ADIRF: variants seen among roughly 807,000 people sequenced by gnomAD.
The protein encoded by ADIRF is adipogenesis factor rich in obesity.
In ADIRF, 9 loss-of-function variants were observed where a neutral mutation model predicts 7.8. The ratio of observed to expected loss-of-function variants is 1.15; its 90% confidence interval spans 0.70 to 2.01. The LOEUF (loss-of-function observed/expected upper bound fraction) is 2.01, where lower values mean the gene tolerates loss of function less well. ADIRF is among the 30% of genes most tolerant of loss of function. ADIRF has a pLI of 0.00. For synonymous variants in ADIRF, 48 were observed against 39.9 expected, an observed-to-expected ratio of 1.20 and a Z score of -0.77; for missense variants, 106 against 98.1, an observed-to-expected ratio of 1.08 and a Z score of -0.34.
intron 1 of ADIRF, chr10:86,969,900 G>GATCT: frequency 3.9e-6 from 1 of 255,436 alleles, no homozygotes; most frequent in Non-Finnish European, 7.4e-6. Flanking sequence ...GCCTGGCCCT[G>GATCT]CCCTGCCTTC....
At chr10:86,970,302 C>A in intron 2 of ADIRF, 40 bp downstream of exon 2, 1 of 1,495,054 alleles carries the variant, frequency 6.7e-7, no homozygotes, top group African/African-American at 1.4e-5. Context: ...CCCCAGCACA[C>A]CTCCCACTCC....
chr10:86,970,364 C>G (rs976345382), intron 2 of ADIRF, 102 bp downstream of exon 2: 4 of 1,506,414 alleles, frequency 2.7e-6, no homozygotes, highest in Middle Eastern at 3.4e-4. Context: ...GCAGAGCCCT[C>G]TGTCCACAAT....
Position 86,970,189 on chromosome 10 carries a change from C to G in ADIRF, c.62-11C>G, listed in dbSNP as rs370680542. The G allele has an allele frequency of 1.5e-5, 21 of 1,446,072 alleles. No homozygotes were observed. Among genetic ancestry groups the G allele is most frequent in the East Asian group, 1.0e-4 (4 of 39,966 alleles). The allele number at this position is 1,446,072 out of a possible 1,614,324, so 89.6% of individuals were successfully genotyped here. A position where few individuals can be genotyped will look rare whatever the true frequency, so the allele number is the denominator to read the frequency against. On this transcript the variant is annotated splice_polypyrimidine_tract_variant and intron_variant, in intron 1 of 2. Coordinates refer to ENST00000372013, the MANE Select transcript of ADIRF (RefSeq NM_006829.3). ...TCAACAGGGGCTAAAAGCCACATCT[C>G]TCTGTTCCAGTGTCAGCGGCCGGAG... is the stretch of plus-strand genomic sequence containing the variant.
Position 86,970,459 on chromosome 10 carries a change from C to A in ADIRF, c.125-17C>A. On this transcript the variant is annotated splice_polypyrimidine_tract_variant and intron_variant, in intron 2 of 2. Coordinates refer to ENST00000372013, the MANE Select transcript of ADIRF (RefSeq NM_006829.3). ...CCGGGCCCTGCCTGACCTGCCCTCT[C>A]TCCCGCCCTTCCCCAGCCATGGACC... is the stretch of plus-strand genomic sequence containing the variant. 6.2e-7 allele frequency: 1 copy of A among 1,606,718 alleles called. No homozygotes were observed. Among genetic ancestry groups the A allele is most frequent in the South Asian group, 1.1e-5 (1 of 89,918 alleles).
intron 1 of ADIRF, chr10:86,969,862 T>A (rs1844548195): frequency 5.0e-6 from 1 of 199,142 alleles, no homozygotes; most frequent in Admixed American, 5.8e-5. Flanking sequence ...ATCACCAGCA[T>A]TAGCCAACAG....
intron 1 of ADIRF, chr10:86,969,643 A>G (rs1380817546): frequency 6.6e-6 from 1 of 152,234 alleles, no homozygotes; most frequent in Non-Finnish European, 1.5e-5. Context: ...TCCTTCCTTC[A>G]TTTGTCTCCT....
In ADIRF at chr10:86,970,257, A is replaced by C; in HGVS notation, c.119A>C (p.Gln40Pro). Reference protein sequence around the residue: ...QVVDQATEAGQKAMDQLAKTT... With the variant: ...QVVDQATEAGPKAMDQLAKTT... Reference sequence around the variant, plus strand: ...GTGGACCAGGCCACAGAGGCGGGGCAGAAAGGTCTGGTGGGGCTGGAGGGA... The same window carrying C: ...GTGGACCAGGCCACAGAGGCGGGGCCGAAAGGTCTGGTGGGGCTGGAGGGA... The change falls in exon 2 of 3, where the codon CAG becomes CCG. Residue 40 changes from glutamine (Q) to proline (P), a missense_variant. Coordinates refer to ENST00000372013, the MANE Select transcript of ADIRF (RefSeq NM_006829.3). 1.4e-6 allele frequency: 2 copies of C among 1,461,894 alleles called. No individual in the cohort carries two copies. Among genetic ancestry groups the C allele is most frequent in the Non-Finnish European group, 9.1e-7 (1 of 1,104,174 alleles). 90.6% of individuals were successfully genotyped at this position (1,461,894 alleles called of 1,614,324 possible). A position where few individuals can be genotyped will look rare whatever the true frequency, so the allele number is the denominator to read the frequency against.
Position 86,970,515 on chromosome 10 carries a change from A to C in ADIRF, c.164A>C (p.Asp55Ala). Reference sequence around the variant, plus strand: ...GCCAAGACCACCCAGGAAACCATCGACAAGACTGCTAACCAGGCCTCTGAC... The same window carrying C: ...GCCAAGACCACCCAGGAAACCATCGCCAAGACTGCTAACCAGGCCTCTGAC... ...QLAKTTQETI[D>A]KTANQASDTF... The change falls in exon 3 of 3, where the codon GAC becomes GCC. Residue 55 changes from aspartate to alanine, a missense_variant. Asp to Ala is a moderately radical substitution (Grantham distance 126, BLOSUM62 -2). Coordinates refer to ENST00000372013, the MANE Select transcript of ADIRF (RefSeq NM_006829.3). 1 of 1,613,710 alleles carries C rather than the reference A, an allele frequency of 6.2e-7. No homozygotes were observed.
intron 1 of ADIRF, 164 bp from the exon 2 acceptor site, chr10:86,970,036 C>T (rs1327379176): frequency 3.7e-6 from 2 of 533,688 alleles, no homozygotes; most frequent in Non-Finnish European, 3.0e-6. Context: ...GTCTCCTGCC[C>T]CTCGGGCTGG....
At chr10:86,969,870 C>T (rs2082917178) in intron 1 of ADIRF, 4 of 209,860 alleles carry the variant, frequency 1.9e-5, no homozygotes, top group Admixed American at 5.7e-5. Flanking sequence ...CATTAGCCAA[C>T]AGTCCAGATG....
At chr10:86,970,054 T>A in intron 1 of ADIRF, 146 bp from the exon 2 acceptor site, 1 of 727,838 alleles carries the variant, frequency 1.4e-6, no homozygotes, top group Non-Finnish European at 2.0e-6. Context: ...TGGGGGGCCC[T>A]GGGCCAGGGA....
intron 1 of ADIRF, chr10:86,968,941 G>A (rs575414801): frequency 7.5e-4 from 224 of 299,890 alleles, no homozygotes; most frequent in Non-Finnish European, 1.2e-3. Context: ...GGCGCGGCCC[G>A]CCACCACTTA....
At chr10:86,968,724 G>A (rs970935942) in intron 1 of ADIRF, 119 bp downstream of exon 1, 4 of 1,191,956 alleles carry the variant, frequency 3.4e-6, no homozygotes, top group African/African-American at 3.1e-5. Context: ...CGGAAGGCTC[G>A]GTCCTCCACT....
At position 86,970,664 on chromosome 10, in the gene ADIRF, G is replaced by C. The variant is rs1844582100; in HGVS notation, c.*82G>C. The C allele has an allele frequency of 2.5e-6, 3 of 1,205,260 alleles. No individual in the cohort carries two copies. In the Admixed American group the frequency reaches 5.9e-5, roughly 24 times the overall value. The allele number at this position is 1,205,260 out of a possible 1,614,324, so 74.7% of individuals were successfully genotyped here. A position where few individuals can be genotyped will look rare whatever the true frequency, so the allele number is the denominator to read the frequency against. ...CCCCTTCCAGGCGCCATCTAGCACAGCCTGGCCCTGATCTCCGGGCAGCCA... is the reference window on the plus strand; with the variant it reads ...CCCCTTCCAGGCGCCATCTAGCACACCCTGGCCCTGATCTCCGGGCAGCCA... On this transcript the variant is annotated 3_prime_UTR_variant, in exon 3 of 3. Transcript: ENST00000372013.
Position 86,970,915 on chromosome 10 carries a change from G to C in ADIRF, c.*333G>C, listed in dbSNP as rs1037383856. ...AGACCGGAGGCTCAGCCCCCATCTC[G>C]GTTAGTGCCCCTCTCCCGCCCGACT... On this transcript the variant is annotated 3_prime_UTR_variant, in exon 3 of 3. Transcript: ENST00000372013. 21 of 429,504 alleles carry C rather than the reference G, an allele frequency of 4.9e-5. No individual in the cohort carries two copies. Among genetic ancestry groups the C allele is most frequent in the Non-Finnish European group, 9.8e-5 (21 of 215,204 alleles). 26.6% of individuals were successfully genotyped at this position (429,504 alleles called of 1,614,324 possible).
intron 2 of ADIRF, 85 bp downstream of exon 2, chr10:86,970,347 C>T: frequency 6.6e-7 from 1 of 1,514,814 alleles, no homozygotes; most frequent in Non-Finnish European, 8.9e-7. Context: ...GGCACATCCT[C>T]TCCTCTGCAG....
chr10:86,968,716 G>A, intron 1 of ADIRF, 111 bp downstream of exon 1: 6 of 1,301,356 alleles, frequency 4.6e-6, no homozygotes, highest in Non-Finnish European at 6.3e-6. Context: ...GCTTGGCTCG[G>A]AAGGCTCGGT....
Position 86,968,553 on chromosome 10 carries a change from C to T in ADIRF, c.9C>T (p.Ser3=), listed in dbSNP as rs1171203260. The change falls in exon 1 of 3, where the codon AGC becomes AGT. Residue 3 remains serine (S), a synonymous_variant. Transcript: ENST00000372013. MA[S]KGLQDLKQQV... ...ACAGATACCCCGAAGCCATGGCAAGCAAGGGCTTGCAGGACCTGAAGCAAC... is the reference window on the plus strand; with the variant it reads ...ACAGATACCCCGAAGCCATGGCAAGTAAGGGCTTGCAGGACCTGAAGCAAC... The T allele has an allele frequency of 4.3e-6, 7 of 1,613,524 alleles. No homozygotes were observed. The highest frequency in any genetic ancestry group is 1.3e-5 in the African/African-American group (1 of 74,918).
At chr10:86,968,668 C>A (rs1459512571) in intron 1 of ADIRF, 63 bp downstream of exon 1, 3 of 1,567,204 alleles carry the variant, frequency 1.9e-6, no homozygotes, top group East Asian at 2.4e-5. Flanking sequence ...CAGGCAGAAG[C>A]AGCGGGTCGG....
Sources: gnomAD v4.1 joint callset for allele counts on GRCh38, gnomAD v4.1.1 for gene constraint, MANE v1.5 for transcripts, NCBI Gene and HGNC (gene_info 2026-07-23, HGNC 2026-07-21) for gene names.